CFHR5: variants seen among roughly 807,000 people sequenced by gnomAD.
CFHR5 encodes the protein complement factor H-related protein 5.
A neutral mutation model predicts 62.9 loss-of-function variants in CFHR5; 73 were observed. The observed-to-expected ratio is 1.16, with a 90% CI of 0.96 to 1.41. CFHR5 has a LOEUF of 1.41. Ranked by LOEUF, CFHR5 falls within the 40% of genes most tolerant of loss-of-function variation. The pLI, the probability that CFHR5 is intolerant of heterozygous loss-of-function variation, is 0.00. For missense variants in CFHR5, 779 were observed against 679.9 expected (o/e 1.15, Z -1.62); for synonymous variants, 249 against 227.2 (o/e 1.10, Z -0.86).
chr1:197,000,147 GA>G (rs1355544888), intron 7 of CFHR5, among the ~76,000 whole-genome samples: 2 of 151,860 alleles, frequency 1.3e-5, no homozygotes, highest in African/African-American at 4.8e-5. Context: ...TAAAGAGAAG[GA>G]AAATACTATG....
rs184662267 is a variant in CFHR5 at position 197,005,797 on chromosome 1, G to A, written c.1513+954G>A. On this transcript the variant is annotated intron_variant, in intron 9 of 9. Coordinates refer to ENST00000256785, the MANE Select transcript of CFHR5 (RefSeq NM_030787.4). ...TATAGTCTTGAAAATTCATCCTTCT[G>A]ACGATGTCTCTTTCTTCCACCTTCT... Among the ~76,000 whole-genome samples, 5 of 152,046 alleles carry A rather than the reference G, an allele frequency of 3.3e-5. No individual in the cohort carries two copies. In the East Asian group the frequency reaches 9.7e-4, roughly 29 times the overall value.
At chr1:196,981,482 C>A (rs947630233) in intron 1 of CFHR5, among the ~76,000 whole-genome samples, 1 of 151,224 alleles carries the variant, frequency 6.6e-6, no homozygotes, top group Non-Finnish European at 1.5e-5. Context: ...AAAATTAAGT[C>A]TAATAAAAAA....
At chr1:196,987,006 T>G (rs1653700684) in intron 3 of CFHR5, among the ~76,000 whole-genome samples, 1 of 152,182 alleles carries the variant, frequency 6.6e-6, no homozygotes, top group South Asian at 2.1e-4. Context: ...GAGTTCCTAT[T>G]TCTCCACATC....
intron 8 of CFHR5, among the ~76,000 whole-genome samples, chr1:197,004,380 T>G (rs557616651): frequency 6.6e-6 from 1 of 152,168 alleles, no homozygotes. Context: ...CCTCTTTAAG[T>G]GACAATTGAA....
chr1:196,985,088 T>C (rs1021166332), intron 3 of CFHR5, among the ~76,000 whole-genome samples: 1 of 152,150 alleles, frequency 6.6e-6, no homozygotes, highest in Non-Finnish European at 1.5e-5. Flanking sequence ...TTTTTTTCAG[T>C]GGGATGCTAT....
chr1:196,998,328 G>A (rs1332664), intron 7 of CFHR5, 24 bp downstream of exon 7: 2 of 1,581,546 alleles, frequency 1.3e-6, no homozygotes, highest in Non-Finnish European at 1.7e-6. Context: ...AAAACATTTT[G>A]TTGATCTTGT....
At chr1:196,981,442 T>G (rs1390249714) in intron 1 of CFHR5, among the ~76,000 whole-genome samples, 2 of 151,910 alleles carry the variant, frequency 1.3e-5, no homozygotes, top group East Asian at 1.9e-4. Context: ...TACCTTCCAC[T>G]CAATTTTACA....
intron 8 of CFHR5, among the ~76,000 whole-genome samples, chr1:197,003,665 G>GGTGA (rs149636543): frequency 0.027 from 4,062 of 152,110 alleles, 172 homozygotes; most frequent in African/African-American, 0.086. Flanking sequence ...TTCCATAGGG[G>GGTGA]GTAAGTAATT....
chr1:196,988,587 T>C (rs1653758607), intron 3 of CFHR5, among the ~76,000 whole-genome samples: 1 of 152,228 alleles, frequency 6.6e-6, no homozygotes, highest in African/African-American at 2.4e-5. Context: ...GAAGCGCTGT[T>C]GAATTTTGTC....
At chr1:196,990,955 A>G (rs1174332515) in intron 3 of CFHR5, among the ~76,000 whole-genome samples, 1 of 151,992 alleles carries the variant, frequency 6.6e-6, no homozygotes, top group South Asian at 2.1e-4. Context: ...TATCCTGAAG[A>G]GTGTTTTCCA....
At chr1:196,976,799 C>CT (rs10588279), upstream of CFHR5, among the ~76,000 whole-genome samples, 5,167 of 98,132 alleles carry the variant, frequency 0.053, 440 homozygotes, top group African/African-American at 0.13. Context: ...AAAAATTATT[C>CT]TTTTTTTTTT....
In CFHR5 at chr1:197,004,840, C is replaced by T. The variant is rs753773255; in HGVS notation, c.1510C>T (p.Leu504=). The stretch of plus-strand genomic sequence containing the variant: ...ACAGTGGTCAGAACCACCAAGATGC[C>T]TAGGTGAGTTCTTAATATTCTCTTG... ...NKQWSEPPRC[L]DPCVVSEENM... is the part of the protein sequence containing the mutation. Residue 504 remains leucine (L), a synonymous_variant, in exon 9 of 10, where the codon CTA becomes TTA. Coordinates refer to ENST00000256785, the MANE Select transcript of CFHR5 (RefSeq NM_030787.4). 1 of 1,607,300 alleles carries T rather than the reference C, an allele frequency of 6.2e-7. No homozygotes were observed. The highest frequency in any genetic ancestry group is 8.5e-7 in the Non-Finnish European group (1 of 1,173,958).
At chr1:196,997,654 C>G (rs1355313398) in intron 6 of CFHR5, among the ~76,000 whole-genome samples, 1 of 152,114 alleles carries the variant, frequency 6.6e-6, no homozygotes, top group Admixed American at 6.5e-5. Context: ...TTTTGCTGAG[C>G]TTTTGAAATG....
chr1:196,999,907 A>C (rs1050901386), intron 7 of CFHR5, among the ~76,000 whole-genome samples: 4 of 150,806 alleles, frequency 2.7e-5, no homozygotes, highest in Admixed American at 1.3e-4. Flanking sequence ...GGAAATAATA[A>C]AAGTAAAAGC....
chr1:196,983,777 C>T (rs7419075), intron 2 of CFHR5, among the ~76,000 whole-genome samples, 184 bp from the exon 3 acceptor site: 6 of 151,564 alleles, frequency 4.0e-5, no homozygotes, highest in African/African-American at 1.2e-4. Context: ...TATTAACTTT[C>T]GTATATATAT....
chr1:196,999,129 A>G (rs1019125880), intron 7 of CFHR5, among the ~76,000 whole-genome samples: 1 of 151,770 alleles, frequency 6.6e-6, no homozygotes, highest in African/African-American at 2.4e-5. Context: ...ATGATATAAA[A>G]TACTAATTTA....
intron 1 of CFHR5, among the ~76,000 whole-genome samples, chr1:196,981,081 A>C (rs1470128843): frequency 1.3e-5 from 2 of 152,132 alleles, no homozygotes; most frequent in African/African-American, 4.8e-5. Flanking sequence ...ATTATTTCAA[A>C]TATTGTGCAA....
intron 3 of CFHR5, among the ~76,000 whole-genome samples, chr1:196,987,077 G>C (rs993638562): frequency 6.6e-6 from 1 of 152,152 alleles, no homozygotes; most frequent in South Asian, 2.1e-4. Context: ...GGTGTGAGAT[G>C]GTATCTCATT....
chr1:196,980,815 G>A, intron 1 of CFHR5, among the ~76,000 whole-genome samples: 1 of 152,090 alleles, frequency 6.6e-6, no homozygotes, highest in East Asian at 1.9e-4. Context: ...TAAAGGATAG[G>A]TAGAATACAA....
Sources: gnomAD v4.1 joint callset for allele counts (sites outside exome capture counted in the v4.1 genomes callset) on GRCh38, gnomAD v4.1.1 for gene constraint, MANE v1.5 for transcripts, NCBI Gene and HGNC (gene_info 2026-07-23, HGNC 2026-07-21) for gene names.